SLC9A9: variants seen among roughly 807,000 people sequenced by gnomAD.
SLC9A9 encodes the protein solute carrier family 9 member A9, also known as sodium/hydrogen exchanger 9.
A neutral mutation model predicts 77.8 loss-of-function variants in SLC9A9; 62 were observed. That is an observed-to-expected ratio of 0.80 (90% confidence interval 0.65 to 0.98). SLC9A9 has a LOEUF of 0.98. SLC9A9 is among the 50% of genes least tolerant of loss of function. The pLI is 0.00. For missense variants in SLC9A9, 775 were observed against 774.9 expected, an observed-to-expected ratio of 1.00 and a Z score of 0.00; for synonymous variants, 320 against 283.5, an observed-to-expected ratio of 1.13 and a Z score of -1.29.
chr3:143,655,683 C>T (rs962454105), intron 5 of SLC9A9: 2 of 223,030 alleles, frequency 9.0e-6, no homozygotes, highest in Admixed American at 1.5e-4. Context: ...TGCACATGTA[C>T]ACACACACAC....
intron 5 of SLC9A9, among the ~76,000 whole-genome samples, chr3:143,662,020 C>G (rs1214494800): frequency 2.0e-5 from 3 of 152,158 alleles, no homozygotes; most frequent in Admixed American, 1.3e-4. Context: ...CATCACTGAC[C>G]ACAAACTTTA....
intron 12 of SLC9A9, among the ~76,000 whole-genome samples, chr3:143,409,087 A>G (rs1160718773): frequency 2.0e-5 from 3 of 152,202 alleles, no homozygotes; most frequent in Admixed American, 1.3e-4. Context: ...TACTTTGGAT[A>G]TCTGCGCCTT....
At chr3:143,758,042 C>A (rs2006982868) in intron 4 of SLC9A9, among the ~76,000 whole-genome samples, 1 of 152,124 alleles carries the variant, frequency 6.6e-6, no homozygotes, top group African/African-American at 2.4e-5. Flanking sequence ...CAGCTTGGAA[C>A]TTTCCCAGAA....
At chr3:143,559,236 C>A (rs991565532) in intron 8 of SLC9A9, among the ~76,000 whole-genome samples, 2 of 152,076 alleles carry the variant, frequency 1.3e-5, no homozygotes, top group Non-Finnish European at 1.5e-5. Context: ...TAATACACAG[C>A]CTTTATATTG....
chr3:143,549,396 A>G (rs891813496), intron 9 of SLC9A9, among the ~76,000 whole-genome samples: 1 of 152,338 alleles, frequency 6.6e-6, no homozygotes, highest in South Asian at 2.1e-4. Context: ...ACATATTATA[A>G]GAAAAAAATA....
At chr3:143,695,374 C>G (rs1220445854) in intron 4 of SLC9A9, among the ~76,000 whole-genome samples, 1 of 152,010 alleles carries the variant, frequency 6.6e-6, no homozygotes, top group Non-Finnish European at 1.5e-5. Flanking sequence ...TGTAATGTTC[C>G]CCTCCCTGTG....
chr3:143,291,853 T>C (rs1296319934), intron 14 of SLC9A9, among the ~76,000 whole-genome samples: 1 of 152,202 alleles, frequency 6.6e-6, no homozygotes, highest in Non-Finnish European at 1.5e-5. Context: ...CTTTTCTGTT[T>C]TAAAAAGAGG....
At chr3:143,437,686 G>T (rs954426055) in intron 12 of SLC9A9, among the ~76,000 whole-genome samples, 2 of 152,210 alleles carry the variant, frequency 1.3e-5, no homozygotes, top group Non-Finnish European at 2.9e-5. Context: ...TACTGTTAGG[G>T]TCTTGGGGAA....
At chr3:143,538,303 G>A (rs2036627665) in intron 9 of SLC9A9, among the ~76,000 whole-genome samples, 1 of 152,060 alleles carries the variant, frequency 6.6e-6, no homozygotes, top group Non-Finnish European at 1.5e-5. Flanking sequence ...GACCCCTATA[G>A]ACCTCAACTT....
chr3:143,777,557 T>C (rs1483302127), intron 4 of SLC9A9, among the ~76,000 whole-genome samples: 1 of 152,176 alleles, frequency 6.6e-6, no homozygotes, highest in Admixed American at 6.5e-5. Context: ...AACATAAAAA[T>C]GATTTTCTAA....
At chr3:143,280,604 T>G (rs1241464534) in intron 14 of SLC9A9, among the ~76,000 whole-genome samples, 1 of 147,186 alleles carries the variant, frequency 6.8e-6, no homozygotes, top group Non-Finnish European at 1.5e-5. Context: ...GGCTGGCGAG[T>G]GCAGTGGTGC....
chr3:143,696,108 T>C (rs1045606409), intron 4 of SLC9A9, among the ~76,000 whole-genome samples: 3 of 152,214 alleles, frequency 2.0e-5, no homozygotes, highest in African/African-American at 7.2e-5. Flanking sequence ...CCTGTTCACC[T>C]GATGATGGTT....
At chr3:143,400,009 CATG>C (rs1159382287) in intron 12 of SLC9A9, among the ~76,000 whole-genome samples, 1 of 152,264 alleles carries the variant, frequency 6.6e-6, no homozygotes, top group South Asian at 2.1e-4. Context: ...AGATGTAGTT[CATG>C]ATAAGGCATA....
chr3:143,438,717 G>A (rs1052765014), intron 12 of SLC9A9, among the ~76,000 whole-genome samples: 2 of 152,254 alleles, frequency 1.3e-5, no homozygotes, highest in East Asian at 1.9e-4. Context: ...GCCTGCTTTG[G>A]CAGCAAAGGA....
intron 11 of SLC9A9, among the ~76,000 whole-genome samples, chr3:143,478,590 A>G (rs1277227487): frequency 6.6e-6 from 1 of 152,206 alleles, no homozygotes; most frequent in Non-Finnish European, 1.5e-5. Context: ...AAATTCTTAA[A>G]TTCCTTAATG....
chr3:143,416,562 GT>G (rs987060039), intron 12 of SLC9A9, among the ~76,000 whole-genome samples: 23 of 149,342 alleles, frequency 1.5e-4, no homozygotes, highest in South Asian at 4.3e-4. Context: ...TAGCAACAAA[GT>G]TTTTTTTTTA....
intron 9 of SLC9A9, among the ~76,000 whole-genome samples, chr3:143,548,664 T>C (rs192973994): frequency 2.0e-5 from 3 of 152,232 alleles, no homozygotes; most frequent in African/African-American, 7.2e-5. Context: ...TCTGTCATAC[T>C]GCTTTTTGCC....
At chr3:143,812,475 A>T (rs1553725102) in intron 2 of SLC9A9, among the ~76,000 whole-genome samples, 2 of 152,232 alleles carry the variant, frequency 1.3e-5, no homozygotes, top group Non-Finnish European at 2.9e-5. Context: ...TTGTCAAGTC[A>T]AAAGAGCAAG....
At chr3:143,654,857 G>T (rs1438751281) in intron 5 of SLC9A9, among the ~76,000 whole-genome samples, 1 of 152,118 alleles carries the variant, frequency 6.6e-6, no homozygotes, top group Non-Finnish European at 1.5e-5. Context: ...CTCTACACCT[G>T]TCTAACGAAA....
Sources: gnomAD v4.1 joint callset for allele counts (sites outside exome capture counted in the v4.1 genomes callset) on GRCh38, gnomAD v4.1.1 for gene constraint, MANE v1.5 for transcripts, NCBI Gene and HGNC (gene_info 2026-07-23, HGNC 2026-07-21) for gene names.